CDC42BPB: variants seen among roughly 807,000 people sequenced by gnomAD.
CDC42BPB encodes CDC42 binding protein kinase beta, also known as serine/threonine-protein kinase MRCK beta.
Under a neutral mutation model 214.9 loss-of-function variants are expected in CDC42BPB, and 37 were observed. The observed-to-expected ratio is 0.17, with a 90% confidence interval of 0.13 to 0.23. The LOEUF (loss-of-function observed/expected upper bound fraction) is 0.23, where lower values mean the gene tolerates loss of function less well. Among genes scored for constraint, CDC42BPB ranks in the 10% least tolerant of loss-of-function variants. The pLI is 1.00. For missense variants in CDC42BPB, 1,694 were observed against 2,227.0 expected, an observed-to-expected ratio of 0.76 and a Z score of 4.82; for synonymous variants, 931 against 884.0, an observed-to-expected ratio of 1.05 and a Z score of -0.94.
chr14:102,964,767 T>C (rs2139444877), intron 18 of CDC42BPB, 117 bp from the exon 19 acceptor site: 1 of 1,356,062 alleles, frequency 7.4e-7, no homozygotes, highest in East Asian at 2.9e-5. Flanking sequence ...ATTTAGATAT[T>C]AACTCTAAAT....
At chr14:102,998,596 C>T (rs1894844324) in intron 5 of CDC42BPB, among the ~76,000 whole-genome samples, 1 of 152,238 alleles carries the variant, frequency 6.6e-6, no homozygotes, top group African/African-American at 2.4e-5. Context: ...GGCTGAGTCA[C>T]TGGGGAGCTG....
chr14:103,023,119 C>T (rs1293531570), intron 1 of CDC42BPB, among the ~76,000 whole-genome samples: 2 of 151,772 alleles, frequency 1.3e-5, no homozygotes, highest in Admixed American at 1.3e-4. Flanking sequence ...GTGATTCTCC[C>T]CTCAGTCTCC....
intron 1 of CDC42BPB, among the ~76,000 whole-genome samples, chr14:103,054,247 G>C (rs551272915): frequency 1.3e-5 from 2 of 152,236 alleles, no homozygotes; most frequent in Non-Finnish European, 2.9e-5. Context: ...CTCCAAATCT[G>C]GGCTGAATCA....
intron 15 of CDC42BPB, 49 bp downstream of exon 15, chr14:102,968,423 G>A (rs751398692): frequency 2.4e-5 from 38 of 1,613,150 alleles, no homozygotes; most frequent in South Asian, 1.2e-4. Context: ...TATCTATGGC[G>A]TGGGTATCAG....
chr14:102,977,063 C>T (rs982293685), intron 9 of CDC42BPB, among the ~76,000 whole-genome samples: 9 of 152,186 alleles, frequency 5.9e-5, no homozygotes, highest in Middle Eastern at 3.4e-3. Flanking sequence ...GGATATCAGC[C>T]GGGCGCGGTG....
At chr14:102,952,743 G>T (rs1892545909) in intron 23 of CDC42BPB, 140 bp from the exon 24 acceptor site, 3 of 1,458,876 alleles carry the variant, frequency 2.1e-6, no homozygotes, top group Non-Finnish European at 2.7e-6. Flanking sequence ...CTTGGTCTAC[G>T]TGTTCCCTAA....
At chr14:102,959,601 C>A (rs1204215622) in intron 21 of CDC42BPB, 30 bp downstream of exon 21, 1 of 1,474,454 alleles carries the variant, frequency 6.8e-7, no homozygotes, top group Non-Finnish European at 9.4e-7. Flanking sequence ...ATAAACTCAT[C>A]TGTCACTTAA....
In CDC42BPB at chr14:102,943,710, T is replaced by C. The variant is rs1422673984; in HGVS notation, c.4408+181A>G. On this transcript the variant is annotated intron_variant, in intron 30 of 36. Coordinates refer to ENST00000361246, the MANE Select transcript of CDC42BPB (RefSeq NM_006035.4). The surrounding 1 kb of genome is among the most constrained non-coding windows in gnomAD (Gnocchi z 4.6). The stretch of plus-strand genomic sequence containing the variant: ...GGTTGCTGAGCCCGCCTACTGCTGG[T>C]CTGAGACGTGAGATCTGAACCATGC... 1.7e-6 allele frequency: 1 copy of C among 597,348 alleles called. No individual in the cohort carries two copies. Among genetic ancestry groups the C allele is most frequent in the African/African-American group, 1.9e-5 (1 of 53,778 alleles). 37.0% of individuals were successfully genotyped at this position (597,348 alleles called of 1,614,324 possible). A position where few individuals can be genotyped will look rare whatever the true frequency, so the allele number is the denominator to read the frequency against.
intron 8 of CDC42BPB, among the ~76,000 whole-genome samples, chr14:102,980,470 C>A (rs935699563): frequency 2.0e-5 from 3 of 151,194 alleles, no homozygotes; most frequent in African/African-American, 7.3e-5. Context: ...TCCAGCCTGG[C>A]GACAGAGCAA....
intron 36 of CDC42BPB, among the ~76,000 whole-genome samples, chr14:102,936,211 T>C (rs1419114202): frequency 6.6e-6 from 1 of 152,174 alleles, no homozygotes; most frequent in South Asian, 2.1e-4. Context: ...AAGTTAAACA[T>C]AGAATTACCA....
chr14:103,001,450 G>A lies in CDC42BPB; in HGVS notation c.448-1737C>T, dbSNP rs947689040. ...GAGGTTGCCAAGCAGAGGCCTGAGG[G>A]GAGCCGCGGTCGTGCTCCAGATGAA... On this transcript the variant is annotated intron_variant, in intron 4 of 36. Transcript: ENST00000361246. The surrounding 1 kb of genome is among the most constrained non-coding windows in gnomAD (Gnocchi z 5.8). Among the ~76,000 whole-genome samples, 3 of 152,202 alleles carry A rather than the reference G, an allele frequency of 2.0e-5. No individual in the cohort carries two copies. Among genetic ancestry groups the A allele is most frequent in the Non-Finnish European group, 4.4e-5 (3 of 68,038 alleles).
chr14:103,053,675 C>T lies in CDC42BPB; in HGVS notation c.175+3324G>A, dbSNP rs570516758. ...TACTCAGGAGGCTGAGGCAGGAGAACAACGTGAACCCGGGAGGCAGAGCTT... is the reference window on the plus strand; with the variant it reads ...TACTCAGGAGGCTGAGGCAGGAGAATAACGTGAACCCGGGAGGCAGAGCTT... On this transcript the variant is annotated intron_variant, in intron 1 of 36. Transcript: ENST00000361246. Among the ~76,000 whole-genome samples, 70 of 146,648 alleles carry T rather than the reference C, an allele frequency of 4.8e-4. 1 individual carries two copies. The East Asian group carries it at 4.9e-3, about 10-fold the overall frequency.
At chr14:102,961,477 G>C (rs994241749) in intron 20 of CDC42BPB, among the ~76,000 whole-genome samples, 5 of 151,888 alleles carry the variant, frequency 3.3e-5, no homozygotes, top group Non-Finnish European at 5.9e-5. Context: ...TGGGACTATA[G>C]GCATGCCCCA....
intron 1 of CDC42BPB, among the ~76,000 whole-genome samples, chr14:103,029,045 G>A (rs144245659): frequency 6.6e-6 from 1 of 152,078 alleles, no homozygotes; most frequent in African/African-American, 2.4e-5. Context: ...TAGTCAATAT[G>A]TCAGGAATAC....
chr14:102,978,406 G>A (rs886634432), intron 8 of CDC42BPB: 1 of 861,808 alleles, frequency 1.2e-6, no homozygotes, highest in African/African-American at 1.8e-5. Flanking sequence ...TACGCTGTAT[G>A]TACAATAAAG....
intron 5 of CDC42BPB, chr14:102,986,843 C>T: frequency 1.3e-5 from 6 of 448,678 alleles, no homozygotes; most frequent in Non-Finnish European, 1.8e-5. Context: ...GCTAACGAGC[C>T]CCTCCTGAGC....
intron 1 of CDC42BPB, among the ~76,000 whole-genome samples, chr14:103,044,515 G>A (rs1380250427): frequency 2.6e-5 from 4 of 151,822 alleles, no homozygotes; most frequent in African/African-American, 9.7e-5. Flanking sequence ...GACTACAGGC[G>A]CCCGCCACCA....
At chr14:102,981,920 C>T (rs948346760) in intron 7 of CDC42BPB, among the ~76,000 whole-genome samples, 3 of 152,316 alleles carry the variant, frequency 2.0e-5, no homozygotes, top group East Asian at 3.9e-4. Context: ...CGCACACACA[C>T]GAGCTGAGGT....
chr14:103,013,963 A>G (rs1357723524), intron 1 of CDC42BPB, among the ~76,000 whole-genome samples: 1 of 152,172 alleles, frequency 6.6e-6, no homozygotes, highest in East Asian at 1.9e-4. Context: ...CAGGAGATCA[A>G]GACCATCCTG....
Sources: gnomAD v4.1 joint callset for allele counts (sites outside exome capture counted in the v4.1 genomes callset) on GRCh38, gnomAD v4.1.1 for gene constraint, Gnocchi (gnomAD v3.1) non-coding constraint, MANE v1.5 for transcripts, NCBI Gene and HGNC (gene_info 2026-07-23, HGNC 2026-07-21) for gene names.